Variants in NUP62CL observed in about 807,000 individuals in gnomAD.
NUP62CL encodes the protein nucleoporin-62 C-terminal-like protein.
NUP62CL carries 13 observed loss-of-function variants against 15.3 expected under a neutral mutation model. The ratio of observed to expected loss-of-function variants is 0.85; its 90% CI spans 0.55 to 1.35. The LOEUF is 1.35. Ranked by LOEUF, NUP62CL falls within the 40% of genes most tolerant of loss-of-function variation. The pLI, the probability that NUP62CL is intolerant of heterozygous loss-of-function variation, is 0.00. For missense variants in NUP62CL, 123 were observed against 130.6 expected, an observed-to-expected ratio of 0.94 and a Z score of 0.28; for synonymous variants, 54 against 49.2, an observed-to-expected ratio of 1.10 and a Z score of -0.41.
intron 8 of NUP62CL, among the ~76,000 whole-genome samples, chrX:107,124,751 A>T (rs1925349756): frequency 9.0e-6 from 1 of 111,471 alleles, no homozygotes; most frequent in Admixed American, 9.6e-5. Context: ...ATAATGATTT[A>T]TTTAACTTGG....
chrX:107,152,187 G>GATATATATATATTCAGAT (rs1569357227), intron 7 of NUP62CL, among the ~76,000 whole-genome samples: 4 of 77,436 alleles, frequency 5.2e-5, no homozygotes, highest in Non-Finnish European at 9.6e-5. Context: ...TATATATTCA[G>GATATATATATATTCAGAT]ATATATATAT....
chrX:107,157,111 A>G (rs1190055776), intron 4 of NUP62CL, among the ~76,000 whole-genome samples: 3 of 110,158 alleles, frequency 2.7e-5, no homozygotes, highest in Non-Finnish European at 5.7e-5. Context: ...AAAGCCTCCA[A>G]GAAATGTGGG....
chrX:107,164,202 C>T (rs1404650319), intron 4 of NUP62CL, among the ~76,000 whole-genome samples: 1 of 111,494 alleles, frequency 9.0e-6, no homozygotes, highest in Admixed American at 9.5e-5. Context: ...GAAAAAACAA[C>T]AAGAAAATCT....
chrX:107,170,603 G>A (rs776824075), intron 3 of NUP62CL, among the ~76,000 whole-genome samples: 5 of 110,248 alleles, frequency 4.5e-5, no homozygotes, highest in South Asian at 3.9e-4. Context: ...TAGTACAGAC[G>A]GGGTTTCACT....
intron 8 of NUP62CL, among the ~76,000 whole-genome samples, chrX:107,136,329 C>A (rs1189434584): frequency 9.0e-6 from 1 of 111,691 alleles, no homozygotes; most frequent in Non-Finnish European, 1.9e-5. Flanking sequence ...AGCAGGAATG[C>A]ACCAATTCCT....
At chrX:107,176,712 A>T (rs917278897) in intron 2 of NUP62CL, among the ~76,000 whole-genome samples, 6 of 111,132 alleles carry the variant, frequency 5.4e-5, no homozygotes, top group African/African-American at 2.0e-4. Context: ...TGCTATTATT[A>T]AAAAAAACAC....
At chrX:107,200,632 A>C (rs747069425) in intron 1 of NUP62CL, among the ~76,000 whole-genome samples, 99 of 103,902 alleles carry the variant, frequency 9.5e-4, no homozygotes, top group African/African-American at 3.0e-3. Flanking sequence ...AAAAAAAAAA[A>C]GAGAGAGAGA....
intron 8 of NUP62CL, among the ~76,000 whole-genome samples, chrX:107,133,220 C>T (rs984483684): frequency 3.8e-4 from 42 of 111,754 alleles, no homozygotes; most frequent in African/African-American, 1.3e-3. Flanking sequence ...ATTCCTGTTA[C>T]TTCTTCCATC....
intron 8 of NUP62CL, 128 bp from the exon 9 acceptor site, chrX:107,124,460 G>T (rs959763744): frequency 2.1e-5 from 6 of 286,466 alleles, no homozygotes; most frequent in Admixed American, 1.0e-4. Flanking sequence ...TTACGTTTTA[G>T]AAAACACATA....
chrX:107,189,932 A>AGAAAGAAAGAAG (rs1927195365), intron 2 of NUP62CL, among the ~76,000 whole-genome samples: 1 of 108,242 alleles, frequency 9.2e-6, no homozygotes, highest in African/African-American at 3.4e-5. Context: ...AAAGAAAGAA[A>AGAAAGAAAGAAG]GAAAGAAAGA....
intron 4 of NUP62CL, among the ~76,000 whole-genome samples, chrX:107,162,938 C>G (rs1014803667): frequency 4.5e-5 from 5 of 111,347 alleles, no homozygotes; most frequent in Admixed American, 3.8e-4. Context: ...AATGTCTGAT[C>G]TGACAGGAGG....
intron 8 of NUP62CL, among the ~76,000 whole-genome samples, chrX:107,132,728 T>C (rs1223156167): frequency 8.9e-6 from 1 of 112,218 alleles, no homozygotes; most frequent in African/African-American, 3.2e-5. Flanking sequence ...CTCTGTACTC[T>C]TGCCTGGGTG....
chrX:107,133,562 C>T (rs1260831860), intron 8 of NUP62CL, among the ~76,000 whole-genome samples: 1 of 111,753 alleles, frequency 8.9e-6, no homozygotes, highest in South Asian at 3.8e-4. Flanking sequence ...GTCTTGAACT[C>T]CTGGGCTCTG....
At chrX:107,174,152 C>CTT (rs1427020795) in intron 3 of NUP62CL, among the ~76,000 whole-genome samples, 1 of 68,721 alleles carries the variant, frequency 1.5e-5, no homozygotes, top group African/African-American at 5.6e-5. Context: ...TCTTCCTTTC[C>CTT]TTTTTTTTTT....
chrX:107,151,389 C>T (rs59047834), intron 7 of NUP62CL, among the ~76,000 whole-genome samples: 226 of 110,777 alleles, frequency 2.0e-3, no homozygotes, highest in African/African-American at 7.2e-3. Context: ...AAAATAAAAC[C>T]TCATATAAAT....
chrX:107,205,138 G>A (rs1281228846), intron 1 of NUP62CL, among the ~76,000 whole-genome samples: 2 of 110,997 alleles, frequency 1.8e-5, no homozygotes, highest in Non-Finnish European at 3.8e-5. Context: ...GTCTACATGT[G>A]TACTAGGTCA....
At chrX:107,147,329 T>C (rs950230787) in intron 8 of NUP62CL, among the ~76,000 whole-genome samples, 20 of 111,716 alleles carry the variant, frequency 1.8e-4, no homozygotes, top group East Asian at 2.8e-4. Flanking sequence ...GCGATTGTTA[T>C]AAATTAGTTA....
chrX:107,146,641 CT>C (rs776288227), intron 8 of NUP62CL, among the ~76,000 whole-genome samples: 1 of 110,777 alleles, frequency 9.0e-6, no homozygotes, highest in Non-Finnish European at 1.9e-5. Context: ...CCTGTACCTC[CT>C]TTTTTTTGGA....
intron 1 of NUP62CL, among the ~76,000 whole-genome samples, chrX:107,200,146 A>C (rs1035772520): frequency 5.4e-5 from 6 of 111,976 alleles, no homozygotes; most frequent in Admixed American, 9.5e-5. Context: ...GTTCATATTA[A>C]ACATCTTAAG....
Sources: gnomAD v4.1 joint callset for allele counts (sites outside exome capture counted in the v4.1 genomes callset) on GRCh38, gnomAD v4.1.1 for gene constraint, MANE v1.5 for transcripts, NCBI Gene and HGNC (gene_info 2026-07-23, HGNC 2026-07-21) for gene names.